Variants in GARIN2 observed in about 807,000 individuals in gnomAD.
GARIN2 encodes the protein golgi associated RAB2 interactor family member 2, also known as Golgi-associated RAB2 interactor protein 2.
the GARIN2 span, chr14:67,223,689 C>G: frequency 1.0e-6 from 1 of 956,744 alleles, no homozygotes; most frequent in African/African-American, 1.8e-5. Flanking sequence ...TTTGTTTTCT[C>G]TTATGTATTT....
the GARIN2 span, among the ~76,000 whole-genome samples, chr14:67,198,735 G>A: frequency 3.9e-5 from 6 of 152,148 alleles, no homozygotes; most frequent in East Asian, 1.9e-4. Context: ...AGATGGTGTC[G>A]GGGAGAAAAG....
chr14:67,225,223 A>G, the GARIN2 span: 1 of 1,529,584 alleles, frequency 6.5e-7, no homozygotes, highest in Admixed American at 2.4e-5. Context: ...AGTAAAACAG[A>G]AAAAGACAAA....
chr14:67,210,109 A>C, the GARIN2 span, among the ~76,000 whole-genome samples: 1 of 152,242 alleles, frequency 6.6e-6, no homozygotes, highest in African/African-American at 2.4e-5. Flanking sequence ...TCCTTTACTT[A>C]TGGTAACATG....
the GARIN2 span, among the ~76,000 whole-genome samples, chr14:67,190,846 G>A: frequency 6.6e-6 from 1 of 152,314 alleles, no homozygotes; most frequent in South Asian, 2.1e-4. Flanking sequence ...CCAGGTAAAT[G>A]CCACACTTCA....
the GARIN2 span, chr14:67,208,254 A>G: frequency 6.2e-7 from 1 of 1,614,074 alleles, no homozygotes; most frequent in South Asian, 1.1e-5. Flanking sequence ...ACAAAAAGTA[A>G]GAGTGAGTTG....
At chr14:67,199,424 G>A in the GARIN2 span, 134 of 1,613,066 alleles carry the variant, frequency 8.3e-5, no homozygotes, top group Admixed American at 1.3e-4. Flanking sequence ...TACTTTCAGC[G>A]CCTTTGGGGT....
chr14:67,195,697 A>C, the GARIN2 span, among the ~76,000 whole-genome samples: 1 of 147,526 alleles, frequency 6.8e-6, no homozygotes, highest in South Asian at 2.2e-4. Flanking sequence ...TATAGAACTT[A>C]ATGCTTTCTT....
chr14:67,221,936 T>C, the GARIN2 span: 1 of 1,149,850 alleles, frequency 8.7e-7, no homozygotes, highest in East Asian at 2.6e-5. Flanking sequence ...ATTTCCTTTC[T>C]TCACTATGCT....
chr14:67,208,519 G>A, the GARIN2 span: 2 of 1,490,598 alleles, frequency 1.3e-6, no homozygotes, highest in Non-Finnish European at 9.0e-7. Flanking sequence ...ATGTGCTTTA[G>A]TCTCTTAACT....
the GARIN2 span, among the ~76,000 whole-genome samples, chr14:67,211,794 T>C: frequency 1.3e-5 from 2 of 152,012 alleles, no homozygotes; most frequent in South Asian, 4.2e-4. Context: ...TTGGTGAGCA[T>C]GATCAAGCCA....
At chr14:67,190,533 T>C in the GARIN2 span, among the ~76,000 whole-genome samples, 1 of 152,214 alleles carries the variant, frequency 6.6e-6, no homozygotes, top group African/African-American at 2.4e-5. Flanking sequence ...TGTTTTGAAA[T>C]TTTGATTTTT....
At chr14:67,204,972 A>G in the GARIN2 span, 6 of 1,586,648 alleles carry the variant, frequency 3.8e-6, no homozygotes, top group African/African-American at 1.3e-5. Context: ...TTGTCACAGA[A>G]GTCATAGAAG....
At chr14:67,199,441 A>G in the GARIN2 span, 1 of 1,612,972 alleles carries the variant, frequency 6.2e-7, no homozygotes, top group Non-Finnish European at 8.5e-7. Flanking sequence ...GGGTCATCTT[A>G]CAAACCCCCA....
At chr14:67,217,739 T>G in the GARIN2 span, among the ~76,000 whole-genome samples, 1 of 152,202 alleles carries the variant, frequency 6.6e-6, no homozygotes, top group Non-Finnish European at 1.5e-5. Flanking sequence ...CTTAAGAGTT[T>G]AATCTTAAGA....
chr14:67,193,139 CATCT>C, the GARIN2 span, among the ~76,000 whole-genome samples: 61 of 139,362 alleles, frequency 4.4e-4, no homozygotes, highest in African/African-American at 1.5e-3. Flanking sequence ...TCTATATAGA[CATCT>C]ATCTATATAT....
the GARIN2 span, among the ~76,000 whole-genome samples, chr14:67,194,947 C>T: frequency 1.3e-5 from 2 of 152,112 alleles, no homozygotes; most frequent in Admixed American, 1.3e-4. Context: ...CGTGAGCCAC[C>T]GTGCCCCTCT....
At chr14:67,215,767 C>T in the GARIN2 span, among the ~76,000 whole-genome samples, 1 of 152,246 alleles carries the variant, frequency 6.6e-6, no homozygotes, top group Admixed American at 6.5e-5. Flanking sequence ...AATCATTGAT[C>T]AGGTCTGGTC....
At chr14:67,195,564 A>C in the GARIN2 span, among the ~76,000 whole-genome samples, 1 of 152,194 alleles carries the variant, frequency 6.6e-6, no homozygotes, top group African/African-American at 2.4e-5. Context: ...CAAAATGTGC[A>C]CTCTTTCACT....
At chr14:67,204,136 C>A in the GARIN2 span, among the ~76,000 whole-genome samples, 1 of 152,066 alleles carries the variant, frequency 6.6e-6, no homozygotes, top group Non-Finnish European at 1.5e-5. Context: ...CTTCAAACTA[C>A]TATAAAATAT....
Sources: allele counts gnomAD v4.1 joint callset (sites outside exome capture counted in the v4.1 genomes callset), GRCh38; gene constraint gnomAD v4.1.1; transcripts MANE v1.5; gene names NCBI Gene and HGNC (gene_info 2026-07-23, HGNC 2026-07-21).